The following SYT3 variants were observed in gnomAD, a reference collection of about 807,000 sequenced individuals.
The protein encoded by SYT3 is synaptotagmin 3.
In SYT3, 25 loss-of-function variants were observed where a neutral mutation model predicts 50.6. The observed-to-expected ratio is 0.49, with a 90% CI of 0.36 to 0.69. The LOEUF (loss-of-function observed/expected upper bound fraction) is 0.69, where lower values mean the gene tolerates loss of function less well. Among genes scored for constraint, SYT3 ranks in the 30% least tolerant of loss-of-function variants. SYT3 has a pLI of 0.00. For missense variants in SYT3, 589 were observed against 793.6 expected (o/e 0.74, Z 3.10); for synonymous variants, 323 against 353.9 (o/e 0.91, Z 0.98).
chr19:50,629,436 C>T lies in SYT3; in HGVS notation c.1139G>A (p.Arg380His). The part of the protein sequence containing the change: ...FSVPLAELAQ[R>H]KLHFSVYDFD... ...GTCATAGACGCTGAAGTGCAGTTTG[C>T]GTTGGGCCAGCTCGGCCAGGGGCAC... is the stretch of plus-strand genomic sequence containing the variant. Residue 380 changes from arginine (R) to histidine (H), a missense_variant, in exon 6 of 11, where the codon CGC becomes CAC. This residue lies in a region of SYT3 where 273 missense variants were observed against 439.3 expected (regional missense o/e 0.62). Transcript: ENST00000600079. 1.9e-6 allele frequency: 3 copies of T among 1,614,038 alleles called. No individual in the cohort carries two copies. Among genetic ancestry groups the T allele is most frequent in the Non-Finnish European group, 2.5e-6 (3 of 1,179,946 alleles).
the SYT3 span, among the ~76,000 whole-genome samples, chr19:50,651,650 C>A: frequency 6.6e-6 from 1 of 151,642 alleles, no homozygotes; most frequent in Non-Finnish European, 1.5e-5. Context: ...CTGCAGTGAG[C>A]TATGACTGCA....
the SYT3 span, among the ~76,000 whole-genome samples, chr19:50,650,879 T>C: frequency 2.6e-5 from 4 of 152,214 alleles, no homozygotes; most frequent in Non-Finnish European, 4.4e-5. Context: ...CAATGCACCA[T>C]CTCTAGCCTA....
rs149683917 is a variant in SYT3, at chr19:50,623,503, C to T, written c.1708-748G>A. On this transcript the variant is annotated intron_variant, in intron 9 of 10. Transcript: ENST00000600079. ...AATATTTCATGCAATATTGGCCAGG[C>T]GCGGTGGCTCACGCCTATAATCCCA... is the stretch of plus-strand genomic sequence containing the variant. Among the ~76,000 whole-genome samples the T allele has an allele frequency of 4.1e-3, 623 of 151,746 alleles. 2 individuals are homozygous for T. The highest frequency in any genetic ancestry group is 5.5e-3 in the Non-Finnish European group (377 of 67,950).
chr19:50,631,220 T>A (rs1984293574), intron 4 of SYT3, among the ~76,000 whole-genome samples: 2 of 150,014 alleles, frequency 1.3e-5, no homozygotes, highest in African/African-American at 4.9e-5. Context: ...CAGGCTGGAG[T>A]ACAGTGGTGC....
At chr19:50,622,645 C>T (rs1028585488) in intron 10 of SYT3, 42 bp downstream of exon 10, 1 of 1,173,612 alleles carries the variant, frequency 8.5e-7, no homozygotes, top group African/African-American at 1.5e-5. Flanking sequence ...CAGACGCAGG[C>T]ATCTCCACCC....
upstream of SYT3, among the ~76,000 whole-genome samples, chr19:50,642,119 C>T (rs972334609): frequency 6.6e-6 from 1 of 152,208 alleles, no homozygotes; most frequent in African/African-American, 2.4e-5. Context: ...TGCATCCCCC[C>T]AGATGGATGT....
intron 3 of SYT3, among the ~76,000 whole-genome samples, chr19:50,633,217 A>G (rs1599818889): frequency 6.6e-6 from 1 of 152,164 alleles, no homozygotes; most frequent in Non-Finnish European, 1.5e-5. Context: ...CCTGGCCTCA[A>G]GCAATCTTCC....
In SYT3 at chr19:50,625,123, C is replaced by T. The variant is rs781662962; in HGVS notation, c.1707+39G>A. 4.1e-5 allele frequency: 63 copies of T among 1,527,512 alleles called. No individual in the cohort carries two copies. In the Middle Eastern group the frequency reaches 5.2e-4, roughly 13 times the overall value. 94.6% of individuals were successfully genotyped at this position (1,527,512 alleles called of 1,614,324 possible). A position where few individuals can be genotyped will look rare whatever the true frequency, so the allele number is the denominator to read the frequency against. On this transcript the variant is annotated intron_variant, in intron 9 of 10. Transcript: ENST00000600079. The surrounding 1 kb of genome is among the most constrained non-coding windows in gnomAD (Gnocchi z 7.5). ...CATGGATGAAGGGGCCGAGGGTGCA[C>T]GGGTGCTTGTCAGGGGTCGGTGTGG...
In SYT3 at chr19:50,632,268, C is replaced by G. The variant is rs770986594; in HGVS notation, c.674+18G>C. The G allele has an allele frequency of 1.5e-5, 23 of 1,542,482 alleles. No homozygotes were observed. In the Admixed American group the frequency reaches 4.0e-4, roughly 27 times the overall value. On this transcript the variant is annotated intron_variant, in intron 4 of 10. Coordinates refer to ENST00000600079, the MANE Select transcript of SYT3 (RefSeq NM_001160329.2). This position sits in a 1 kb window ranked among gnomAD's most constrained non-coding sequence, Gnocchi z 4.7. ...GCAGAAGTTCAGAGTGGACCCCCAA[C>G]CCAGTATCCTCTCTCACCTGGTAGT...
intron 3 of SYT3, among the ~76,000 whole-genome samples, chr19:50,636,650 C>G (rs1448606747): frequency 1.3e-5 from 2 of 152,228 alleles, no homozygotes; most frequent in Non-Finnish European, 2.9e-5. Context: ...GGACAGGTCA[C>G]TTCACCCTTC....
Position 50,625,435 on chromosome 19 carries a change from A to G in SYT3, c.1532T>C (p.Val511Ala). The change falls in exon 8 of 11, where the codon GTG becomes GCG. Residue 511 changes from valine (V) to alanine (A), a missense_variant. This residue lies in a region of SYT3 where 273 missense variants were observed against 439.3 expected (regional missense o/e 0.62). Coordinates refer to ENST00000600079, the MANE Select transcript of SYT3 (RefSeq NM_001160329.2). The surrounding 1 kb of genome is among the most constrained non-coding windows in gnomAD (Gnocchi z 7.5). ...GGCGATGCTGAGCCCCACGTTCTCC[A>G]CGCTCTCGGGGGCCACGTCGAACAC... ...ALVFDVAPES[V>A]ENVGLSIAVV... 1 of 1,560,922 alleles carries G rather than the reference A, an allele frequency of 6.4e-7. No individual in the cohort carries two copies. Among genetic ancestry groups the G allele is most frequent in the South Asian group, 1.2e-5 (1 of 85,166 alleles).
chr19:50,625,008 C>G lies in SYT3; in HGVS notation c.1707+154G>C. On this transcript the variant is annotated intron_variant, in intron 9 of 10. Coordinates refer to ENST00000600079, the MANE Select transcript of SYT3 (RefSeq NM_001160329.2). The surrounding 1 kb of genome is among the most constrained non-coding windows in gnomAD (Gnocchi z 7.5). ...AGGCACAGAGCGCTTGGGTAACTGG[C>G]TCTAAGCCGCACAGCTAAAGTTGGC... 1.3e-6 allele frequency: 1 copy of G among 759,830 alleles called. No homozygotes were observed. Among genetic ancestry groups the G allele is most frequent in the South Asian group, 4.4e-5 (1 of 22,836 alleles). 47.1% of individuals were successfully genotyped at this position (759,830 alleles called of 1,614,324 possible).
At chr19:50,657,503 TTAAA>T in the SYT3 span, among the ~76,000 whole-genome samples, 2 of 152,208 alleles carry the variant, frequency 1.3e-5, no homozygotes, top group South Asian at 2.1e-4. Flanking sequence ...TTTCTGAATG[TTAAA>T]TAGATTGACA....
At chr19:50,638,763 A>G (rs556546858) in intron 2 of SYT3, among the ~76,000 whole-genome samples, 1 of 147,896 alleles carries the variant, frequency 6.8e-6, no homozygotes, top group East Asian at 2.0e-4. Context: ...CAGATAGACA[A>G]AAGGAGACAG....
At chr19:50,623,955 A>G (rs1983949009) in intron 9 of SYT3, among the ~76,000 whole-genome samples, 1 of 151,634 alleles carries the variant, frequency 6.6e-6, no homozygotes, top group South Asian at 2.1e-4. Context: ...GTGCCCTCAT[A>G]TACTTGCTTT....
chr19:50,626,510 GGGACAGAGACCCAGAGAGGA>G (rs1568761296), intron 6 of SYT3, among the ~76,000 whole-genome samples: 112 of 143,746 alleles, frequency 7.8e-4, no homozygotes, highest in African/African-American at 2.8e-3. Flanking sequence ...GAGAGGGGGG[GGGACAGAGACCCAGAGAGGA>G]GGACAGAGAC....
chr19:50,657,780 G>T, the SYT3 span, among the ~76,000 whole-genome samples: 3 of 152,188 alleles, frequency 2.0e-5, no homozygotes, highest in Non-Finnish European at 4.4e-5. Flanking sequence ...ATGACCTAGA[G>T]TGATAGTAGA....
In SYT3 at chr19:50,637,485, T is replaced by C; in HGVS notation, c.-15-59A>G. 6.8e-7 allele frequency: 1 copy of C among 1,468,864 alleles called. No homozygotes were observed. The highest frequency in any genetic ancestry group is 9.2e-7 in the Non-Finnish European group (1 of 1,083,650). 91.0% of individuals were successfully genotyped at this position (1,468,864 alleles called of 1,614,324 possible). ...TGGGAAACAGAATGGGAGTGCAGGG[T>C]GGGCAGGTGTGGAGATAAGGGTGGA... On this transcript the variant is annotated intron_variant, in intron 2 of 10. Transcript: ENST00000600079. The surrounding 1 kb of genome is among the most constrained non-coding windows in gnomAD (Gnocchi z 4.9).
the SYT3 span, chr19:50,656,107 G>A: frequency 6.5e-7 from 1 of 1,536,158 alleles, no homozygotes; most frequent in African/African-American, 1.4e-5. Flanking sequence ...AGCCTGGGCA[G>A]GCCCATCAAA....
Sources: allele counts gnomAD v4.1 joint callset (sites outside exome capture counted in the v4.1 genomes callset), GRCh38; gene constraint gnomAD v4.1.1; regional missense constraint gnomAD v4.1.1; non-coding constraint Gnocchi (gnomAD v3.1); transcripts MANE v1.5; gene names NCBI Gene and HGNC (gene_info 2026-07-23, HGNC 2026-07-21).